Variants in SLC23A2 observed in about 807,000 individuals in gnomAD.
The protein encoded by SLC23A2 is solute carrier family 23 member 2, also known as Na(+)/L-ascorbic acid transporter 2.
SLC23A2 carries 36 observed loss-of-function variants against 73.3 expected under a neutral mutation model. The ratio of observed to expected loss-of-function variants is 0.49; its 90% CI spans 0.38 to 0.65. The LOEUF (loss-of-function observed/expected upper bound fraction) is 0.65. Among genes scored for constraint, SLC23A2 ranks in the 30% least tolerant of loss-of-function variants. SLC23A2 has a pLI of 0.00. For missense variants in SLC23A2, 507 were observed against 841.6 expected, an observed-to-expected ratio of 0.60 and a Z score of 4.92; for synonymous variants, 343 against 327.3, an observed-to-expected ratio of 1.05 and a Z score of -0.52.
intron 2 of SLC23A2, among the ~76,000 whole-genome samples, chr20:4,968,100 A>C (rs577366862): frequency 6.6e-6 from 1 of 152,318 alleles, no homozygotes; most frequent in East Asian, 1.9e-4. Flanking sequence ...GCTCTTTCCC[A>C]TCTGATTGTA....
chr20:4,880,631 C>G (rs113173479), intron 9 of SLC23A2, among the ~76,000 whole-genome samples: 1,681 of 151,982 alleles, frequency 0.011, 35 homozygotes, highest in African/African-American at 0.039. Flanking sequence ...GGAGAGGAAA[C>G]AGGAAGAGTC....
At chr20:4,983,142 G>A (rs1274781013) in intron 1 of SLC23A2, among the ~76,000 whole-genome samples, 1 of 151,902 alleles carries the variant, frequency 6.6e-6, no homozygotes, top group Non-Finnish European at 1.5e-5. Context: ...AACAATGAAG[G>A]TGGACCCCTA....
intron 2 of SLC23A2, among the ~76,000 whole-genome samples, chr20:4,935,351 ATCCAGACCACCTCAGGGG>A (rs2086946125): frequency 6.6e-6 from 1 of 152,152 alleles, no homozygotes; most frequent in African/African-American, 2.4e-5. Flanking sequence ...AAAATGCCAC[ATCCAGACCACCTCAGGGG>A]TCCCACCACC....
chr20:4,941,029 G>A (rs931285080), intron 2 of SLC23A2, among the ~76,000 whole-genome samples: 30 of 152,146 alleles, frequency 2.0e-4, no homozygotes, highest in Middle Eastern at 3.4e-3. Context: ...GGTGGTGCAC[G>A]CCTATAAGCC....
intron 8 of SLC23A2, among the ~76,000 whole-genome samples, 162 bp downstream of exon 8, chr20:4,884,591 G>A (rs1931023754): frequency 6.6e-6 from 1 of 152,156 alleles, no homozygotes; most frequent in African/African-American, 2.4e-5. Flanking sequence ...TTATTTTAGA[G>A]TATTGCTTAA....
intron 1 of SLC23A2, among the ~76,000 whole-genome samples, chr20:4,994,386 T>C (rs2087981946): frequency 6.6e-6 from 1 of 152,106 alleles, no homozygotes; most frequent in African/African-American, 2.4e-5. Context: ...CCCAGCTAGG[T>C]GATCTGCCTT....
chr20:4,905,660 C>T (rs1023719973), intron 4 of SLC23A2, among the ~76,000 whole-genome samples: 38 of 152,284 alleles, frequency 2.5e-4, no homozygotes, highest in Admixed American at 1.7e-3. Context: ...ATCTCCTCTG[C>T]GGTTATTTAT....
chr20:4,886,118 T>G, intron 6 of SLC23A2: 1 of 498,706 alleles, frequency 2.0e-6, no homozygotes, highest in Non-Finnish European at 3.6e-6. Flanking sequence ...GCCACTCTCC[T>G]CCCACCCAGG....
At chr20:4,894,914 A>AC (rs1438485814) in intron 6 of SLC23A2, among the ~76,000 whole-genome samples, 13 of 152,358 alleles carry the variant, frequency 8.5e-5, no homozygotes, top group African/African-American at 3.1e-4. Flanking sequence ...GAGGGGGACG[A>AC]CTTGACCACA....
chr20:4,948,473 C>T (rs777107883), intron 2 of SLC23A2, among the ~76,000 whole-genome samples: 1 of 152,170 alleles, frequency 6.6e-6, no homozygotes. Flanking sequence ...GTTCCTCTTC[C>T]CTGCAGACTC....
intron 9 of SLC23A2, among the ~76,000 whole-genome samples, chr20:4,882,105 G>A (rs150728817): frequency 1.2e-3 from 181 of 152,228 alleles, no homozygotes; most frequent in Middle Eastern, 6.8e-3. Context: ...GGCTGGGCAC[G>A]GTGGCTCATG....
At chr20:4,918,395 C>A (rs551288194) in intron 3 of SLC23A2, among the ~76,000 whole-genome samples, 5 of 152,268 alleles carry the variant, frequency 3.3e-5, no homozygotes, top group Non-Finnish European at 5.9e-5. Context: ...CTCTGCCTAA[C>A]CAGATGATTT....
chr20:4,882,135 G>A (rs1003575045), intron 9 of SLC23A2, among the ~76,000 whole-genome samples: 3 of 152,082 alleles, frequency 2.0e-5, no homozygotes, highest in Non-Finnish European at 4.4e-5. Flanking sequence ...CCAGCATTTC[G>A]GGAGGCCAAG....
At position 4,862,075 on chromosome 20, in the gene SLC23A2, T is replaced by C; in HGVS notation, c.1497A>G (p.Thr499=). 6.2e-7 allele frequency: 1 copy of C among 1,614,142 alleles called. No homozygotes were observed. Among genetic ancestry groups the C allele is most frequent in the Non-Finnish European group, 8.5e-7 (1 of 1,179,996 alleles). ...ACTGCAGGTTAGAGAGGCCAACAGC[T>C]GTGATCATTCCTGGAGAAAAACAAA... ...ALFCTLFGMI[T]AVGLSNLQFI... Residue 499 remains threonine, a synonymous_variant, in exon 15 of 17, where the codon ACA becomes ACG. Coordinates refer to ENST00000338244, the MANE Select transcript of SLC23A2 (RefSeq NM_005116.6). This position sits in a 1 kb window ranked among gnomAD's most constrained non-coding sequence, Gnocchi z 5.1.
intron 4 of SLC23A2, 95 bp downstream of exon 4, chr20:4,912,785 C>CAAGT: frequency 1.2e-6 from 1 of 800,152 alleles, no homozygotes; most frequent in Non-Finnish European, 2.2e-6. Flanking sequence ...GAAGGACATG[C>CAAGT]AAGTGTCTGA....
At chr20:4,949,013 C>T (rs1044524615) in intron 2 of SLC23A2, among the ~76,000 whole-genome samples, 3 of 152,080 alleles carry the variant, frequency 2.0e-5, no homozygotes, top group East Asian at 1.9e-4. Context: ...AGGCTGGGCA[C>T]GGTGGCTCAC....
intron 1 of SLC23A2, among the ~76,000 whole-genome samples, chr20:4,984,967 T>C (rs2087799680): frequency 6.6e-6 from 1 of 152,072 alleles, no homozygotes; most frequent in African/African-American, 2.4e-5. Flanking sequence ...TGAAACCCTG[T>C]CCCTACTAAA....
chr20:4,958,065 A>G (rs188853910), intron 2 of SLC23A2, among the ~76,000 whole-genome samples: 6 of 152,290 alleles, frequency 3.9e-5, no homozygotes, highest in Admixed American at 6.5e-5. Context: ...ACTTCATCCA[A>G]CTCTCAAAGC....
intron 1 of SLC23A2, among the ~76,000 whole-genome samples, chr20:4,974,795 T>C (rs1370030307): frequency 6.6e-6 from 1 of 152,172 alleles, no homozygotes; most frequent in Non-Finnish European, 1.5e-5. Context: ...AGTGTTTTTG[T>C]TTTTGTTTTT....
Sources: gnomAD v4.1 joint callset for allele counts (sites outside exome capture counted in the v4.1 genomes callset) on GRCh38, gnomAD v4.1.1 for gene constraint, Gnocchi (gnomAD v3.1) non-coding constraint, MANE v1.5 for transcripts, NCBI Gene and HGNC (gene_info 2026-07-23, HGNC 2026-07-21) for gene names.